TEX11: variants seen among roughly 807,000 people sequenced by gnomAD.
TEX11 encodes the protein testis-expressed protein 11.
TEX11 carries 7 observed loss-of-function variants against 84.4 expected under a neutral mutation model. The observed-to-expected ratio is 0.08, with a 90% CI of 0.05 to 0.16. The LOEUF is 0.16. Among genes scored for constraint, TEX11 ranks in the 10% least tolerant of loss-of-function variants. The pLI, the probability that TEX11 is intolerant of heterozygous loss-of-function variation, is 1.00. For synonymous variants in TEX11, 264 were observed against 222.8 expected, an observed-to-expected ratio of 1.18 and a Z score of -1.64; for missense variants, 551 against 660.5, an observed-to-expected ratio of 0.83 and a Z score of 1.82.
chrX:70,794,057 G>A (rs2091140852), intron 9 of TEX11, among the ~76,000 whole-genome samples: 1 of 111,908 alleles, frequency 8.9e-6, no homozygotes, highest in Non-Finnish European at 1.9e-5. Context: ...AAAATCAGGT[G>A]AGTGGTCACA....
chrX:70,749,050 T>G (rs1303785166), intron 9 of TEX11, among the ~76,000 whole-genome samples: 6 of 102,274 alleles, frequency 5.9e-5, no homozygotes, highest in African/African-American at 2.3e-4. Flanking sequence ...TTCCTACCCA[T>G]GAGCATGGAA....
chrX:70,799,010 C>A (rs1303658916), intron 9 of TEX11, among the ~76,000 whole-genome samples: 2 of 111,289 alleles, frequency 1.8e-5, no homozygotes, highest in Non-Finnish European at 3.8e-5. Context: ...TAACTAAATA[C>A]CATGTACAAC....
chrX:70,563,031 T>C (rs1343009032), intron 25 of TEX11, among the ~76,000 whole-genome samples: 1 of 112,301 alleles, frequency 8.9e-6, no homozygotes, highest in Non-Finnish European at 1.9e-5. Context: ...GTTACATTTG[T>C]TGTTGGAATT....
intron 7 of TEX11, among the ~76,000 whole-genome samples, chrX:70,843,382 T>G (rs2091459003): frequency 9.0e-6 from 1 of 111,600 alleles, no homozygotes; most frequent in African/African-American, 3.3e-5. Context: ...TAATAAATGG[T>G]GCTGGGAAAA....
intron 2 of TEX11, among the ~76,000 whole-genome samples, chrX:70,886,408 A>G (rs1351583433): frequency 1.8e-5 from 2 of 111,642 alleles, no homozygotes; most frequent in Non-Finnish European, 3.8e-5. Context: ...AGAACCAAAG[A>G]GTAGAATGGT....
chrX:70,727,329 TACACATAC>T (rs1233536755), intron 11 of TEX11, among the ~76,000 whole-genome samples: 5 of 112,020 alleles, frequency 4.5e-5, no homozygotes, highest in Admixed American at 2.8e-4. Context: ...AAGTGTATCA[TACACATAC>T]ACACATACAC....
At chrX:70,731,635 C>T (rs1049033871) in intron 11 of TEX11, among the ~76,000 whole-genome samples, 1 of 111,540 alleles carries the variant, frequency 9.0e-6, no homozygotes, top group Non-Finnish European at 1.9e-5. Context: ...AGACCAATAA[C>T]AGGCTCTAAA....
intron 7 of TEX11, chrX:70,845,991 T>C (rs1355574342): frequency 1.8e-5 from 2 of 111,807 alleles, no homozygotes; most frequent in Non-Finnish European, 3.8e-5. Flanking sequence ...GGCCCAAGAT[T>C]TAATAAAATT....
chrX:70,540,788 G>T (rs1007986826), intron 28 of TEX11, among the ~76,000 whole-genome samples: 2 of 111,775 alleles, frequency 1.8e-5, no homozygotes, highest in African/African-American at 6.5e-5. Flanking sequence ...TTCCTGGGGA[G>T]CCTCCCCTGC....
chrX:70,616,096 A>G (rs970064837), intron 20 of TEX11, among the ~76,000 whole-genome samples: 1 of 111,325 alleles, frequency 9.0e-6, no homozygotes, highest in Admixed American at 9.6e-5. Context: ...AAGGTACAAA[A>G]CTCACTAGTA....
chrX:70,721,750 C>T (rs941840326), intron 13 of TEX11, among the ~76,000 whole-genome samples: 4 of 111,871 alleles, frequency 3.6e-5, no homozygotes, highest in African/African-American at 9.7e-5. Context: ...TGCACCACGA[C>T]GGCAGAGTTG....
chrX:70,843,866 C>T (rs2091462447), intron 7 of TEX11, among the ~76,000 whole-genome samples: 1 of 111,889 alleles, frequency 8.9e-6, no homozygotes, highest in South Asian at 3.7e-4. Context: ...AAAAAATGCT[C>T]ATCATCACTG....
At chrX:70,880,616 A>C (rs1229579431) in intron 2 of TEX11, among the ~76,000 whole-genome samples, 33 of 110,960 alleles carry the variant, frequency 3.0e-4, no homozygotes. Context: ...TGTCTTCAAA[A>C]CCAGAAAATG....
chrX:70,687,566 C>A (rs187769854), intron 13 of TEX11, among the ~76,000 whole-genome samples: 158 of 111,548 alleles, frequency 1.4e-3, no homozygotes, highest in African/African-American at 4.9e-3. Context: ...GTCATCCCAT[C>A]TGTGGTAATT....
At chrX:70,638,726 G>A (rs906120524) in intron 17 of TEX11, among the ~76,000 whole-genome samples, 5 of 106,082 alleles carry the variant, frequency 4.7e-5, no homozygotes, top group East Asian at 3.0e-4. Flanking sequence ...GCTTGAACCC[G>A]GGAGGTGGAG....
At chrX:70,694,039 A>AT (rs1488343808) in intron 13 of TEX11, among the ~76,000 whole-genome samples, 1 of 110,633 alleles carries the variant, frequency 9.0e-6, no homozygotes, top group African/African-American at 3.3e-5. Flanking sequence ...AAGGAGCTTC[A>AT]TTTTTCTTTT....
rs1166996567 is a variant in TEX11 at position 70,880,485 on chromosome X, A to G, written c.38-376T>C. Among the ~76,000 whole-genome samples the G allele has an allele frequency of 3.6e-5, 4 of 111,051 alleles. No homozygotes were observed. In the East Asian group the frequency reaches 8.6e-4, roughly 24 times the overall value. Reference sequence around the variant, plus strand: ...TGAGGTAGGAGGATCACTTGAGTCCAGGAGTTCAAGGCTACAGTGAGCTAC... The same window carrying G: ...TGAGGTAGGAGGATCACTTGAGTCCGGGAGTTCAAGGCTACAGTGAGCTAC... On this transcript the variant is annotated intron_variant, in intron 2 of 29. Coordinates refer to ENST00000374333, the MANE Select transcript of TEX11 (RefSeq NM_031276.3).
At chrX:70,535,003 A>T (rs1317072998) in intron 28 of TEX11, among the ~76,000 whole-genome samples, 2 of 109,283 alleles carry the variant, frequency 1.8e-5, no homozygotes, top group African/African-American at 6.7e-5. Flanking sequence ...CTGGGCAACC[A>T]CTACTCTCAT....
intron 28 of TEX11, among the ~76,000 whole-genome samples, chrX:70,539,038 A>ATATATATATATATATAT: frequency 9.7e-5 from 4 of 41,255 alleles, no homozygotes; most frequent in African/African-American, 1.8e-4. Flanking sequence ...ATATATATAT[A>ATATATATATATATATAT]TTTTTTTTTT....
Sources: allele counts gnomAD v4.1 joint callset (sites outside exome capture counted in the v4.1 genomes callset), GRCh38; gene constraint gnomAD v4.1.1; transcripts MANE v1.5; gene names NCBI Gene and HGNC (gene_info 2026-07-23, HGNC 2026-07-21).